CNTNAP3: variants seen among roughly 807,000 people sequenced by gnomAD.
The protein encoded by CNTNAP3 is contactin-associated protein-like 3.
In CNTNAP3, 36 loss-of-function variants were observed where a neutral mutation model predicts 92.1. The observed-to-expected ratio is 0.39, with a 90% CI of 0.30 to 0.52. The LOEUF (loss-of-function observed/expected upper bound fraction) is 0.52. Ranked by LOEUF, CNTNAP3 falls within the 20% of genes least tolerant of loss-of-function variation. CNTNAP3 has a pLI of 0.76. For missense variants in CNTNAP3, 534 were observed against 1,069.6 expected, an observed-to-expected ratio of 0.50 and a Z score of 6.98; for synonymous variants, 232 against 422.3, an observed-to-expected ratio of 0.55 and a Z score of 5.53.
At chr9:39,095,232 T>C (rs557811966) in intron 18 of CNTNAP3, among the ~76,000 whole-genome samples, 1 of 151,886 alleles carries the variant, frequency 6.6e-6, no homozygotes, top group Non-Finnish European at 1.5e-5. Flanking sequence ...TAACAGCTTT[T>C]ATTTCCTGAA....
intron 21 of CNTNAP3, among the ~76,000 whole-genome samples, chr9:39,081,774 T>A (rs1324860222): frequency 2.0e-5 from 3 of 151,880 alleles, no homozygotes; most frequent in Non-Finnish European, 4.4e-5. Flanking sequence ...ACTAGCCACA[T>A]GTGACCATTG....
chr9:39,134,827 T>C (rs1821390227), intron 12 of CNTNAP3, among the ~76,000 whole-genome samples: 1 of 152,236 alleles, frequency 6.6e-6, no homozygotes, highest in African/African-American at 2.4e-5. Flanking sequence ...GAAAAACCTA[T>C]GGAACACTAA....
intron 13 of CNTNAP3, among the ~76,000 whole-genome samples, chr9:39,121,946 C>G (rs1258431787): frequency 6.6e-6 from 1 of 152,130 alleles, no homozygotes; most frequent in Admixed American, 6.5e-5. Context: ...CCAGCACCAG[C>G]CCCCTCTACC....
intron 18 of CNTNAP3, among the ~76,000 whole-genome samples, chr9:39,095,687 T>C (rs977696630): frequency 1.4e-5 from 2 of 142,900 alleles, no homozygotes; most frequent in African/African-American, 2.5e-5. Context: ...TACTACGTTT[T>C]GGTATATAGG....
At chr9:39,106,419 T>A (rs1451357698) in intron 15 of CNTNAP3, 1 of 152,186 alleles carries the variant, frequency 6.6e-6, no homozygotes, top group Non-Finnish European at 1.5e-5. Flanking sequence ...GCCTTCCTAG[T>A]TGCTAGGACT....
intron 13 of CNTNAP3, among the ~76,000 whole-genome samples, chr9:39,123,617 CA>C (rs1226330922): frequency 6.6e-6 from 1 of 151,744 alleles, no homozygotes; most frequent in Non-Finnish European, 1.5e-5. Context: ...ATTCAAATTG[CA>C]AAAAATTGAA....
In CNTNAP3 at chr9:39,109,846, G is replaced by C. The variant is rs1269663032; in HGVS notation, c.2238-559C>G. On this transcript the variant is annotated intron_variant, in intron 14 of 23. Transcript: ENST00000297668. ...TAACTTCCCTTCTAAAATTGTCTTA[G>C]AATAATATCTAAGTGATTATTCATT... 2.0e-5 allele frequency among the ~76,000 whole-genome samples: 3 copies of C among 151,976 alleles called. No individual in the cohort carries two copies. The East Asian group carries it at 5.8e-4, about 29-fold the overall frequency.
At chr9:39,087,307 ATTATT>A (rs1345320328) in intron 19 of CNTNAP3, among the ~76,000 whole-genome samples, 5 of 152,270 alleles carry the variant, frequency 3.3e-5, no homozygotes, top group African/African-American at 4.8e-5. Context: ...TTATAGCCAG[ATTATT>A]TTAAGTCTTC....
At chr9:39,107,149 G>A (rs952717665) in intron 15 of CNTNAP3, among the ~76,000 whole-genome samples, 4 of 151,874 alleles carry the variant, frequency 2.6e-5, no homozygotes, top group African/African-American at 9.7e-5. Context: ...CAGACCTGTG[G>A]TGTAGACTTA....
chr9:39,085,086 T>C (rs977356272), intron 21 of CNTNAP3: 2 of 94,088 alleles, frequency 2.1e-5, no homozygotes, highest in African/African-American at 7.8e-5. Context: ...ATAAGATGGG[T>C]TTTTTTAAAA....
chr9:39,120,670 C>A (rs1433705802), intron 13 of CNTNAP3, among the ~76,000 whole-genome samples: 8 of 151,946 alleles, frequency 5.3e-5, no homozygotes, highest in Admixed American at 4.6e-4. Context: ...ATTCCATCTC[C>A]AAAACAATAA....
At chr9:39,104,337 T>C (rs1428319275) in intron 15 of CNTNAP3, among the ~76,000 whole-genome samples, 1 of 152,058 alleles carries the variant, frequency 6.6e-6, no homozygotes, top group Non-Finnish European at 1.5e-5. Context: ...AAGAGGCAGG[T>C]TCGAGCAGCA....
intron 21 of CNTNAP3, among the ~76,000 whole-genome samples, chr9:39,082,045 C>T (rs1825954288): frequency 2.0e-5 from 3 of 149,298 alleles, no homozygotes; most frequent in Non-Finnish European, 1.5e-5. Context: ...CGAGTTCACG[C>T]CACTGTACTC....
At chr9:39,091,669 C>T (rs1485204953) in intron 18 of CNTNAP3, among the ~76,000 whole-genome samples, 1 of 151,612 alleles carries the variant, frequency 6.6e-6, no homozygotes, top group African/African-American at 2.4e-5. Context: ...AATATATATA[C>T]TTGTATATCT....
chr9:39,202,250 A>G (rs541512910), intron 3 of CNTNAP3, among the ~76,000 whole-genome samples: 1,175 of 45,200 alleles, frequency 0.026, 322 homozygotes, highest in African/African-American at 0.043. Flanking sequence ...AACTCTTTAC[A>G]GCAAATACCA....
chr9:39,081,965 T>C (rs1225370757), intron 21 of CNTNAP3, among the ~76,000 whole-genome samples: 14 of 151,608 alleles, frequency 9.2e-5, no homozygotes, highest in African/African-American at 3.2e-4. Context: ...TGGGTGCCTG[T>C]AGTCTCAGCT....
At chr9:39,115,671 A>G (rs932915070) in intron 14 of CNTNAP3, among the ~76,000 whole-genome samples, 77 of 152,156 alleles carry the variant, frequency 5.1e-4, no homozygotes, top group African/African-American at 1.9e-3. Context: ...GTTAATTTTT[A>G]AAACCTGCTT....
At chr9:39,080,660 CTTTTT>C (rs774669701) in intron 21 of CNTNAP3, among the ~76,000 whole-genome samples, 3 of 91,112 alleles carry the variant, frequency 3.3e-5, no homozygotes, top group East Asian at 4.1e-4. Flanking sequence ...TAGGGCAGAC[CTTTTT>C]TTTTTTTTTT....
At chr9:39,114,482 C>T (rs1820806060) in intron 14 of CNTNAP3, among the ~76,000 whole-genome samples, 1 of 152,088 alleles carries the variant, frequency 6.6e-6, no homozygotes, top group Non-Finnish European at 1.5e-5. Context: ...TCAAGTTTAT[C>T]CCTAACAATG....
Sources: gnomAD v4.1 joint callset for allele counts (sites outside exome capture counted in the v4.1 genomes callset) on GRCh38, gnomAD v4.1.1 for gene constraint, MANE v1.5 for transcripts, NCBI Gene and HGNC (gene_info 2026-07-23, HGNC 2026-07-21) for gene names.